Variants in CCDC187 observed in about 807,000 individuals in gnomAD.
The protein encoded by CCDC187 is coiled-coil domain containing 187.
A neutral mutation model predicts 38.0 loss-of-function variants in CCDC187; 32 were observed. The ratio of observed to expected loss-of-function variants is 0.84; its 90% CI spans 0.64 to 1.13. The LOEUF (loss-of-function observed/expected upper bound fraction) is 1.13. Among genes scored for constraint, CCDC187 ranks in the 50% most tolerant of loss-of-function variants. The probability of loss-of-function intolerance (pLI) is 0.00; values close to 1 mark genes in which losing one functional copy is unlikely to be tolerated. For missense variants in CCDC187, 707 were observed against 786.8 expected (o/e 0.90, Z 1.21); for synonymous variants, 333 against 347.9 (o/e 0.96, Z 0.48).
At position 136,254,210 on chromosome 9, in the gene CCDC187, A is replaced by G; in HGVS notation, c.5618T>C (p.Val1873Ala). Residue 1873 changes from valine (V) to alanine (A), a missense_variant, in exon 26 of 26, where the codon GTG (valine) becomes GCG (alanine). Val to Ala is a moderately conservative substitution (Grantham distance 64, BLOSUM62 0). Transcript: ENST00000638797. ...LQAPPEAAGV[V>A]FPLQISSAGD... ...GGCAGAAGAGATTTGCAGCGGGAAC[A>G]CCACACCGGCGGCCTCAGGGGGTGC... The G allele has an allele frequency of 1.0e-6, 1 of 985,412 alleles. No homozygotes were observed. Among genetic ancestry groups the G allele is most frequent in the Non-Finnish European group, 1.2e-6 (1 of 829,980 alleles). The allele number at this position is 985,412 out of a possible 1,614,324, so 61.0% of individuals were successfully genotyped here.
intron 21 of CCDC187, 77 bp from the exon 22 acceptor site, chr9:136,259,078 GGATGGGGACA>G: frequency 1.0e-6 from 1 of 970,672 alleles, no homozygotes; most frequent in Non-Finnish European, 1.2e-6. Context: ...AGACCAGGAT[GGATGGGGACA>G]GATGGGGACA....
intron 7 of CCDC187, 65 bp downstream of exon 7, chr9:136,289,894 G>A (rs1415429930): frequency 2.9e-5 from 11 of 375,074 alleles, no homozygotes; most frequent in Non-Finnish European, 4.6e-5. Flanking sequence ...AACGCACCCA[G>A]AACTGTTCTT....
intron 3 of CCDC187, among the ~76,000 whole-genome samples, chr9:136,299,511 C>T (rs1398623932): frequency 6.6e-6 from 1 of 152,242 alleles, no homozygotes; most frequent in Admixed American, 6.5e-5. Context: ...GTCTGCCTGT[C>T]TCTGGACTCG....
chr9:136,288,937 C>T (rs1831245027), intron 7 of CCDC187, among the ~76,000 whole-genome samples: 1 of 152,216 alleles, frequency 6.6e-6, no homozygotes, highest in African/African-American at 2.4e-5. Flanking sequence ...AATTCACTCT[C>T]AGGTGTGCAC....
chr9:136,287,463 C>T (rs964730777), intron 7 of CCDC187, among the ~76,000 whole-genome samples: 2 of 152,204 alleles, frequency 1.3e-5, no homozygotes, highest in African/African-American at 4.8e-5. Context: ...CCAGAGTCCT[C>T]GTTCATCACG....
At chr9:136,284,912 T>TG (rs1831137489) in intron 9 of CCDC187, among the ~76,000 whole-genome samples, 1 of 152,086 alleles carries the variant, frequency 6.6e-6, no homozygotes, top group Admixed American at 6.5e-5. Context: ...CCAAGCCTGC[T>TG]GGGCTCCGCT....
intron 9 of CCDC187, 139 bp from the exon 10 acceptor site, chr9:136,281,802 T>C: frequency 2.5e-6 from 1 of 396,702 alleles, no homozygotes; most frequent in Admixed American, 4.4e-5. Flanking sequence ...CCCAACAGTG[T>C]GCCCAGGGTG....
chr9:136,275,301 C>T (rs963151148), intron 12 of CCDC187, among the ~76,000 whole-genome samples: 9 of 152,106 alleles, frequency 5.9e-5, no homozygotes, highest in Admixed American at 2.0e-4. Flanking sequence ...ACCCCAGCTC[C>T]GGTCCCGGCT....
intron 4 of CCDC187, among the ~76,000 whole-genome samples, chr9:136,294,809 C>G (rs2131336511): frequency 6.6e-6 from 1 of 152,304 alleles, no homozygotes; most frequent in Non-Finnish European, 1.5e-5. Flanking sequence ...AGGCCATGCC[C>G]CACACCCACT....
intron 7 of CCDC187, among the ~76,000 whole-genome samples, chr9:136,289,135 G>A (rs899727257): frequency 3.3e-5 from 5 of 152,238 alleles, no homozygotes; most frequent in Admixed American, 2.0e-4. Flanking sequence ...CCTGGAAAAC[G>A]TTATCTTGAA....
Position 136,258,283 on chromosome 9 carries a change from C to T in CCDC187, c.4366+649G>A, listed in dbSNP as rs2131120705. ...CCCATCTGTCCTGAGGTTTGCTCTC[C>T]CTGGCCCCAACGGCAGGGACCCCCC... On this transcript the variant is annotated intron_variant, in intron 22 of 25. Coordinates refer to ENST00000638797, the MANE Select transcript of CCDC187 (RefSeq NM_001378188.1). This position sits in a 1 kb window ranked among gnomAD's most constrained non-coding sequence, Gnocchi z 4.3. Among the ~76,000 whole-genome samples, 1 of 152,300 alleles carries T rather than the reference C, an allele frequency of 6.6e-6. No individual in the cohort carries two copies. The highest frequency in any genetic ancestry group is 2.1e-4 in the South Asian group (1 of 4,826).
At chr9:136,270,007 G>A (rs544923775) in intron 14 of CCDC187, among the ~76,000 whole-genome samples, 10 of 151,506 alleles carry the variant, frequency 6.6e-5, no homozygotes, top group East Asian at 5.8e-4. Context: ...AGAGATGAAC[G>A]AACTGGAAGA....
chr9:136,284,554 C>T (rs879026867), intron 9 of CCDC187, among the ~76,000 whole-genome samples: 116,618 of 151,972 alleles, frequency 0.77, 45,113 homozygotes, highest in East Asian at 0.82. Context: ...TGAGAGTGGC[C>T]GGGAGTGGCC....
rs1206238813 is a variant in CCDC187, at chr9:136,293,219, ACACT to A, written c.833-928_833-925del. 2.6e-3 allele frequency among the ~76,000 whole-genome samples: 268 copies of A among 101,272 alleles called. 5 individuals carry two copies. The highest frequency in any genetic ancestry group is 6.7e-3 in the African/African-American group (200 of 29,838). The allele number at this position is 101,272 out of a possible 152,430, so 66.4% of individuals were successfully genotyped here. ...CACACACTCACAAACACATGCTCAC[ACACT>A]CACACTCACACGCTCACACTCACAT... On this transcript the variant is annotated intron_variant, in intron 4 of 25. Transcript: ENST00000638797.
intron 4 of CCDC187, among the ~76,000 whole-genome samples, chr9:136,293,298 AAC>A (rs1397923791): frequency 6.3e-5 from 8 of 126,486 alleles, no homozygotes; most frequent in African/African-American, 9.3e-5. Context: ...CACACTCACA[AAC>A]ACATGTTCAC....
upstream of CCDC187, chr9:136,306,890 TGATGGCGGGC>T (rs1831810851): frequency 1.4e-4 from 22 of 152,056 alleles, no homozygotes; most frequent in African/African-American, 4.4e-4. Flanking sequence ...CTGAGGCCGG[TGATGGCGGGC>T]CAGTCGTTCA....
intron 4 of CCDC187, among the ~76,000 whole-genome samples, chr9:136,294,175 C>T (rs1302884057): frequency 6.6e-6 from 1 of 152,008 alleles, no homozygotes; most frequent in East Asian, 1.9e-4. Flanking sequence ...CTCACACGCT[C>T]ATATACACAC....
Position 136,302,935 on chromosome 9 carries a change from T to G in CCDC187, c.502A>C (p.Ser168Arg), listed in dbSNP as rs1328206724. ...KIRAQAWQQG[S>R]CASLGTSAPS... ...GCTGAGGTGCCCAGGGACGCACAGC[T>G]CCCCTGCTGCCACGCCTGGGCCCGG... The change falls in exon 2 of 26, where the codon AGC becomes CGC. Residue 168 changes from serine (S) to arginine (R), a missense_variant. Physicochemically the swap from Ser to Arg is moderately radical, Grantham distance 110. Transcript: ENST00000638797. 7.5e-6 allele frequency: 3 copies of G among 398,600 alleles called. No homozygotes were observed. The East Asian group carries it at 1.1e-4, about 14-fold the overall frequency. 24.7% of individuals were successfully genotyped at this position (398,600 alleles called of 1,614,324 possible).
At chr9:136,294,248 A>C (rs1218754710) in intron 4 of CCDC187, among the ~76,000 whole-genome samples, 1 of 147,196 alleles carries the variant, frequency 6.8e-6, no homozygotes, top group Non-Finnish European at 1.5e-5. Context: ...ACGTGGTCTC[A>C]CACTCTCACG....
Sources: gnomAD v4.1 joint callset for allele counts (sites outside exome capture counted in the v4.1 genomes callset) on GRCh38, gnomAD v4.1.1 for gene constraint, Gnocchi (gnomAD v3.1) non-coding constraint, MANE v1.5 for transcripts, NCBI Gene and HGNC (gene_info 2026-07-23, HGNC 2026-07-21) for gene names.